ELP4: variants seen among roughly 807,000 people sequenced by gnomAD.
ELP4 encodes the protein elongator acetyltransferase complex subunit 4, also known as elongator complex protein 4.
A neutral mutation model predicts 48.9 loss-of-function variants in ELP4; 51 were observed. That is an observed-to-expected ratio of 1.04 (90% confidence interval 0.83 to 1.32). The LOEUF (loss-of-function observed/expected upper bound fraction) is 1.32, where lower values mean the gene tolerates loss of function less well. ELP4 is among the 40% of genes most tolerant of loss of function. ELP4 has a pLI of 0.00. For missense variants in ELP4, 519 were observed against 514.6 expected (o/e 1.01, Z -0.08); for synonymous variants, 210 against 189.2 (o/e 1.11, Z -0.90).
chr11:31,532,561 G>A (rs1301692966), intron 2 of ELP4, among the ~76,000 whole-genome samples: 1 of 151,982 alleles, frequency 6.6e-6, no homozygotes, highest in Admixed American at 6.6e-5. Flanking sequence ...ACTTTAAGTA[G>A]TACTGATCTG....
chr11:31,743,532 A>C (rs1312761599), intron 9 of ELP4, among the ~76,000 whole-genome samples: 1 of 152,240 alleles, frequency 6.6e-6, no homozygotes, highest in East Asian at 1.9e-4. Flanking sequence ...AAGAACATAA[A>C]TTATAACAAA....
chr11:31,790,211 T>A lies in ELP4; in HGVS notation c.*6687T>A. 1.8e-6 allele frequency: 1 copy of A among 567,310 alleles called. No individual in the cohort carries two copies. The allele number at this position is 567,310 out of a possible 1,614,324, so 35.1% of individuals were successfully genotyped here. A position where few individuals can be genotyped will look rare whatever the true frequency, so the allele number is the denominator to read the frequency against. Reference sequence around the variant, plus strand: ...CTTCAGAAACTAGACAATATATGTATATATACCTATTGGATCCCAAGTACC... The same window carrying A: ...CTTCAGAAACTAGACAATATATGTAAATATACCTATTGGATCCCAAGTACC... On this transcript the variant is annotated 3_prime_UTR_variant, in exon 10 of 10. Coordinates refer to ENST00000640961, the MANE Select transcript of ELP4 (RefSeq NM_019040.5).
chr11:31,758,375 G>A (rs1206398805), intron 9 of ELP4, among the ~76,000 whole-genome samples: 2 of 152,152 alleles, frequency 1.3e-5, no homozygotes, highest in East Asian at 1.9e-4. Flanking sequence ...TAGCAATATA[G>A]TGAAGAAATT....
intron 9 of ELP4, among the ~76,000 whole-genome samples, chr11:31,742,622 A>C (rs1259175657): frequency 6.6e-6 from 1 of 152,232 alleles, no homozygotes. Context: ...AAGAATTTTC[A>C]ACCCAGAATC....
chr11:31,696,422 T>C (rs1946408263), intron 9 of ELP4, among the ~76,000 whole-genome samples: 1 of 152,204 alleles, frequency 6.6e-6, no homozygotes. Flanking sequence ...CATTTTGTTA[T>C]ATACCCAGTA....
chr11:31,590,573 G>A (rs1012774711), intron 3 of ELP4, among the ~76,000 whole-genome samples: 6 of 152,060 alleles, frequency 3.9e-5, no homozygotes, highest in African/African-American at 1.4e-4. Context: ...GGGTGTATTC[G>A]GCCATTCTCA....
intron 9 of ELP4, among the ~76,000 whole-genome samples, chr11:31,693,626 G>A (rs542251130): frequency 6.6e-6 from 1 of 152,274 alleles, no homozygotes; most frequent in East Asian, 1.9e-4. Flanking sequence ...AAACATACGT[G>A]TGCATGTGTC....
At chr11:31,518,950 T>C (rs186425495) in intron 1 of ELP4, among the ~76,000 whole-genome samples, 1 of 151,882 alleles carries the variant, frequency 6.6e-6, no homozygotes, top group East Asian at 1.9e-4. Context: ...TAGCTGGGAT[T>C]ATAGGCATGC....
intron 9 of ELP4, among the ~76,000 whole-genome samples, chr11:31,711,937 C>G (rs1259549060): frequency 6.6e-6 from 1 of 151,918 alleles, no homozygotes; most frequent in Non-Finnish European, 1.5e-5. Context: ...ACAAAGGTGG[C>G]ATTTTACATT....
At chr11:31,631,274 TACA>T (rs1944855702) in intron 6 of ELP4, among the ~76,000 whole-genome samples, 1 of 152,184 alleles carries the variant, frequency 6.6e-6, no homozygotes, top group African/African-American at 2.4e-5. Context: ...TAGCAAGTGA[TACA>T]TTTTAGGAAT....
At chr11:31,752,765 C>T (rs919984069) in intron 9 of ELP4, among the ~76,000 whole-genome samples, 4 of 147,448 alleles carry the variant, frequency 2.7e-5, no homozygotes, top group Non-Finnish European at 5.9e-5. Context: ...ACCCGGGGGG[C>T]GGAGCTTGCA....
chr11:31,741,028 G>A (rs1947433576), intron 9 of ELP4, among the ~76,000 whole-genome samples: 1 of 152,096 alleles, frequency 6.6e-6, no homozygotes, highest in African/African-American at 2.4e-5. Context: ...GGAAAATCGG[G>A]TCACTCCCAC....
intron 3 of ELP4, among the ~76,000 whole-genome samples, chr11:31,581,605 C>T (rs1957393587): frequency 2.0e-5 from 3 of 152,218 alleles, no homozygotes; most frequent in Admixed American, 6.5e-5. Context: ...TGTTCTAAAA[C>T]GTCAGAATTA....
At chr11:31,781,726 T>A (rs1171488653) in intron 9 of ELP4, among the ~76,000 whole-genome samples, 1 of 151,908 alleles carries the variant, frequency 6.6e-6, no homozygotes, top group East Asian at 1.9e-4. Flanking sequence ...CTCCATCTCT[T>A]GACCTCATGA....
chr11:31,579,929 TATAAAAATAAATAA>T (rs1423884295), intron 3 of ELP4, among the ~76,000 whole-genome samples: 1 of 151,770 alleles, frequency 6.6e-6, no homozygotes, highest in Non-Finnish European at 1.5e-5. Context: ...GAACTTAAAG[TATAAAAATAAATAA>T]ATAAAAATAA....
chr11:31,699,062 A>G (rs1330821432), intron 9 of ELP4, among the ~76,000 whole-genome samples: 1 of 152,204 alleles, frequency 6.6e-6, no homozygotes, highest in Non-Finnish European at 1.5e-5. Context: ...ATGTGAGTTT[A>G]TGTACTATAT....
intron 3 of ELP4, among the ~76,000 whole-genome samples, chr11:31,555,636 T>C (rs1452450295): frequency 6.6e-6 from 1 of 151,828 alleles, no homozygotes; most frequent in Non-Finnish European, 1.5e-5. Flanking sequence ...ATATACTATA[T>C]TTAAAAAGTA....
At chr11:31,758,899 C>T (rs950088702) in intron 9 of ELP4, among the ~76,000 whole-genome samples, 2 of 151,978 alleles carry the variant, frequency 1.3e-5, no homozygotes, top group East Asian at 3.9e-4. Flanking sequence ...AAATCCTAAC[C>T]TAAGTGAGCC....
rs982656444 is a variant in ELP4, at chr11:31,786,451, A to G, written c.*2927A>G. 9.1e-6 allele frequency: 2 copies of G among 220,280 alleles called. No homozygotes were observed. The highest frequency in any genetic ancestry group is 1.8e-5 in the Non-Finnish European group (2 of 109,944). 13.6% of individuals were successfully genotyped at this position (220,280 alleles called of 1,614,324 possible). A position where few individuals can be genotyped will look rare whatever the true frequency, so the allele number is the denominator to read the frequency against. On this transcript the variant is annotated 3_prime_UTR_variant, in exon 10 of 10. Transcript: ENST00000640961. ...TACCAAGCCAAAACACAGAAAAACA[A>G]AAAAGCAGATGAGGTTTATTCTTGA...
Sources: gnomAD v4.1 joint callset for allele counts (sites outside exome capture counted in the v4.1 genomes callset) on GRCh38, gnomAD v4.1.1 for gene constraint, MANE v1.5 for transcripts, NCBI Gene and HGNC (gene_info 2026-07-23, HGNC 2026-07-21) for gene names.